The following THADA variants were observed in gnomAD, a reference collection of about 807,000 sequenced individuals.
THADA encodes THADA armadillo repeat containing.
In THADA, 213 loss-of-function variants were observed where a neutral mutation model predicts 219.8. The ratio of observed to expected loss-of-function variants is 0.97; its 90% CI spans 0.87 to 1.09. THADA has a LOEUF of 1.09. Among genes scored for constraint, THADA ranks in the 50% least tolerant of loss-of-function variants. The probability of loss-of-function intolerance (pLI) is 0.00; values close to 1 mark genes in which losing one functional copy is unlikely to be tolerated. For missense variants in THADA, 2,956 were observed against 2,311.3 expected, an observed-to-expected ratio of 1.28 and a Z score of -5.72; for synonymous variants, 1,018 against 828.9, an observed-to-expected ratio of 1.23 and a Z score of -3.92.
chr2:43,255,680 C>A (rs1670231918), intron 36 of THADA, among the ~76,000 whole-genome samples: 1 of 152,276 alleles, frequency 6.6e-6, no homozygotes, highest in Non-Finnish European at 1.5e-5. Context: ...AATGCTGTGG[C>A]CTCTAATATT....
chr2:43,275,458 C>T (rs1672623486), intron 36 of THADA, among the ~76,000 whole-genome samples: 1 of 152,134 alleles, frequency 6.6e-6, no homozygotes, highest in East Asian at 1.9e-4. Context: ...AGAAAGCCAT[C>T]CCCCTGCCTG....
chr2:43,572,694 C>T, intron 12 of THADA, 120 bp downstream of exon 12: 1 of 798,274 alleles, frequency 1.3e-6, no homozygotes, highest in Non-Finnish European at 1.8e-6. Context: ...AGGGTTTCTA[C>T]TCATTCTCTT....
At chr2:43,288,315 G>C (rs978431610) in intron 34 of THADA, among the ~76,000 whole-genome samples, 5 of 152,202 alleles carry the variant, frequency 3.3e-5, no homozygotes, top group South Asian at 4.1e-4. Flanking sequence ...CTACTCAGGA[G>C]GCTGAGGCAT....
chr2:43,545,598 G>T (rs1047638221), intron 20 of THADA, among the ~76,000 whole-genome samples: 2 of 152,142 alleles, frequency 1.3e-5, no homozygotes, highest in African/African-American at 2.4e-5. Context: ...TGGTTTAGTC[G>T]TGGGAGGGTG....
At chr2:43,486,181 G>A (rs1686899906) in intron 25 of THADA, among the ~76,000 whole-genome samples, 1 of 152,106 alleles carries the variant, frequency 6.6e-6, no homozygotes, top group Non-Finnish European at 1.5e-5. Context: ...TTGCTTATCA[G>A]CTTCACAATG....
At chr2:43,369,958 A>G (rs1255567648) in intron 29 of THADA, among the ~76,000 whole-genome samples, 1 of 152,196 alleles carries the variant, frequency 6.6e-6, no homozygotes, top group Non-Finnish European at 1.5e-5. Flanking sequence ...TGTCTCCCCA[A>G]CCATGCTGTA....
chr2:43,514,745 AATATTTTATATATAATATGTATAATAT>A (rs1691081231), intron 22 of THADA, among the ~76,000 whole-genome samples: 3 of 85,002 alleles, frequency 3.5e-5, no homozygotes, highest in Non-Finnish European at 5.9e-5. Flanking sequence ...TATAATATAT[AATATTTTATATATAATATGTATAATAT>A]ATATTTTATA....
At chr2:43,365,294 G>C (rs1670001105) in intron 29 of THADA, among the ~76,000 whole-genome samples, 2 of 152,040 alleles carry the variant, frequency 1.3e-5, no homozygotes, top group Non-Finnish European at 2.9e-5. Context: ...AATATACGCA[G>C]ATTCGGTGGC....
Position 43,541,178 on chromosome 2 carries a change from C to A in THADA, c.3245G>T (p.Gly1082Val), listed in dbSNP as rs376664357. ...PMQPVPESSD[G>V]LLTVEQVKEI... Reference sequence around the variant, plus strand: ...CCTTACCTGCTCCACCGTCAATAATCCATCAGAAGATTCTGGCACAGGCTG... The same window carrying A: ...CCTTACCTGCTCCACCGTCAATAATACATCAGAAGATTCTGGCACAGGCTG... The change falls in exon 21 of 38, where the codon GGA (glycine) becomes GTA (valine). Residue 1082 changes from glycine to valine, a missense_variant. Coordinates refer to ENST00000405975, the MANE Select transcript of THADA (RefSeq NM_022065.5). 1.9e-6 allele frequency: 3 copies of A among 1,590,212 alleles called. No homozygotes were observed. Among genetic ancestry groups the A allele is most frequent in the Non-Finnish European group, 2.6e-6 (3 of 1,172,090 alleles).
chr2:43,297,612 C>T lies in THADA; in HGVS notation c.4439-4399G>A, dbSNP rs1422639671. ...GGAGGGAGGTGGGGGGGTCAGCCCC[C>T]CGCCCGGCCAGCCCCCCCGTCCGGG... is the stretch of plus-strand genomic sequence containing the variant. On this transcript the variant is annotated intron_variant, in intron 31 of 37. Transcript: ENST00000405975. Among the ~76,000 whole-genome samples the T allele has an allele frequency of 7.6e-5, 8 of 104,768 alleles. 1 individual carries two copies. In the East Asian group the frequency reaches 1.9e-3, roughly 25 times the overall value. The allele number at this position is 104,768 out of a possible 152,430, so 68.7% of individuals were successfully genotyped here. A position where few individuals can be genotyped will look rare whatever the true frequency, so the allele number is the denominator to read the frequency against.
At chr2:43,281,666 C>T (rs1249569500) in intron 35 of THADA, among the ~76,000 whole-genome samples, 2 of 152,044 alleles carry the variant, frequency 1.3e-5, no homozygotes, top group Non-Finnish European at 2.9e-5. Context: ...AAACTCCTGA[C>T]CTCAGGTAGA....
At chr2:43,505,509 G>C (rs568710637) in intron 24 of THADA, 113 bp downstream of exon 24, 9 of 666,430 alleles carry the variant, frequency 1.4e-5, no homozygotes, top group Non-Finnish European at 2.0e-5. Context: ...AGCTGAGATC[G>C]CGCCACTGTA....
chr2:43,393,764 TAACAAC>T (rs200202422), intron 29 of THADA, among the ~76,000 whole-genome samples: 1 of 148,210 alleles, frequency 6.7e-6, no homozygotes, highest in Non-Finnish European at 1.5e-5. Flanking sequence ...TATTTGTACA[TAACAAC>T]AACAACAACA....
intron 7 of THADA, among the ~76,000 whole-genome samples, chr2:43,583,515 C>G (rs1420843538): frequency 1.3e-5 from 2 of 152,144 alleles, no homozygotes; most frequent in African/African-American, 4.8e-5. Context: ...CTTGGTAGTT[C>G]CTCAAAAAGT....
At chr2:43,434,071 G>A (rs1270499383) in intron 26 of THADA, among the ~76,000 whole-genome samples, 1 of 152,064 alleles carries the variant, frequency 6.6e-6, no homozygotes, top group African/African-American at 2.4e-5. Flanking sequence ...AGAAGAACAA[G>A]GTTGGAGGAC....
At chr2:43,470,040 A>G (rs1019857448) in intron 26 of THADA, among the ~76,000 whole-genome samples, 5 of 152,010 alleles carry the variant, frequency 3.3e-5, no homozygotes, top group South Asian at 2.1e-4. Context: ...ACAAAACCCC[A>G]TCTCTAAAAA....
intron 31 of THADA, among the ~76,000 whole-genome samples, chr2:43,319,587 G>T (rs542222154): frequency 2.0e-5 from 3 of 152,296 alleles, no homozygotes; most frequent in African/African-American, 7.2e-5. Flanking sequence ...GAACAGAGCT[G>T]AACATTGACA....
chr2:43,279,639 T>C (rs1673109391), intron 36 of THADA, 126 bp downstream of exon 36: 33 of 1,234,892 alleles, frequency 2.7e-5, no homozygotes, highest in Non-Finnish European at 3.3e-5. Context: ...CCCACTAAGA[T>C]GGCAGAGTTG....
chr2:43,541,700 G>C (rs370525221), intron 20 of THADA, among the ~76,000 whole-genome samples: 3 of 152,022 alleles, frequency 2.0e-5, no homozygotes, highest in Non-Finnish European at 2.9e-5. Flanking sequence ...TGTAAAGACA[G>C]GGTTTCACCA....
Sources: gnomAD v4.1 joint callset for allele counts (sites outside exome capture counted in the v4.1 genomes callset) on GRCh38, gnomAD v4.1.1 for gene constraint, MANE v1.5 for transcripts, NCBI Gene and HGNC (gene_info 2026-07-23, HGNC 2026-07-21) for gene names.